Variants in ADCY2 observed in about 807,000 individuals in gnomAD.
ADCY2 encodes adenylate cyclase type 2.
In ADCY2, 31 loss-of-function variants were observed where a neutral mutation model predicts 125.2. The ratio of observed to expected loss-of-function variants is 0.25; its 90% CI spans 0.19 to 0.33. ADCY2 has a LOEUF of 0.33. ADCY2 is among the 10% of genes least tolerant of loss of function. The probability of loss-of-function intolerance (pLI) is 1.00; values close to 1 mark genes in which losing one functional copy is unlikely to be tolerated. For missense variants in ADCY2, 904 were observed against 1,418.2 expected (o/e 0.64, Z 5.82); for synonymous variants, 512 against 548.4 (o/e 0.93, Z 0.93).
chr5:7,736,439 A>G (rs1328978993), intron 14 of ADCY2, among the ~76,000 whole-genome samples: 1 of 152,212 alleles, frequency 6.6e-6, no homozygotes, highest in Non-Finnish European at 1.5e-5. Context: ...GGCATGTCAT[A>G]TGTTACAGCA....
chr5:7,519,089 CTA>C (rs1744351690), intron 2 of ADCY2, among the ~76,000 whole-genome samples: 1 of 152,286 alleles, frequency 6.6e-6, no homozygotes, highest in East Asian at 1.9e-4. Flanking sequence ...TATTTTTAGG[CTA>C]TGTCTCCTGA....
intron 2 of ADCY2, among the ~76,000 whole-genome samples, chr5:7,473,095 A>G (rs1013959012): frequency 3.3e-5 from 5 of 151,880 alleles, no homozygotes; most frequent in Admixed American, 6.6e-5. Flanking sequence ...CCCCCAGCAT[A>G]AGGCACATTC....
At chr5:7,550,256 C>T (rs934702443) in intron 3 of ADCY2, among the ~76,000 whole-genome samples, 22 of 152,006 alleles carry the variant, frequency 1.4e-4, no homozygotes, top group Admixed American at 4.6e-4. Flanking sequence ...TTTTAAAGAA[C>T]GAAACACATC....
At chr5:7,694,981 G>A (rs555635747) in intron 5 of ADCY2, among the ~76,000 whole-genome samples, 45 of 152,300 alleles carry the variant, frequency 3.0e-4, no homozygotes, top group Non-Finnish European at 5.6e-4. Context: ...AATAGTAGTT[G>A]TTTTGTTCCA....
At chr5:7,446,274 T>C (rs948563877) in intron 2 of ADCY2, among the ~76,000 whole-genome samples, 1 of 152,216 alleles carries the variant, frequency 6.6e-6, no homozygotes, top group African/African-American at 2.4e-5. Flanking sequence ...TTCAACTATA[T>C]TTAAGAAACT....
intron 3 of ADCY2, among the ~76,000 whole-genome samples, chr5:7,575,222 A>T (rs1460936755): frequency 6.6e-6 from 1 of 152,136 alleles, no homozygotes; most frequent in Non-Finnish European, 1.5e-5. Context: ...ATTTTAATAT[A>T]ATCTTTGGAA....
At chr5:7,653,228 C>T (rs1323803290) in intron 4 of ADCY2, among the ~76,000 whole-genome samples, 2 of 152,220 alleles carry the variant, frequency 1.3e-5, no homozygotes, top group African/African-American at 4.8e-5. Flanking sequence ...GCCATGACAA[C>T]TCTCATACCC....
At chr5:7,530,131 G>A (rs897978638) in intron 3 of ADCY2, among the ~76,000 whole-genome samples, 1 of 152,144 alleles carries the variant, frequency 6.6e-6, no homozygotes, top group Admixed American at 6.5e-5. Flanking sequence ...TCCTTGTTTG[G>A]TTGCTGGCCT....
At chr5:7,784,609 G>T (rs553768813) in intron 19 of ADCY2, among the ~76,000 whole-genome samples, 160 bp downstream of exon 19, 19 of 152,276 alleles carry the variant, frequency 1.2e-4, no homozygotes, top group African/African-American at 4.6e-4. Flanking sequence ...GGGTGTGGAT[G>T]CTTCGATATA....
At chr5:7,655,068 G>A (rs1230999040) in intron 4 of ADCY2, among the ~76,000 whole-genome samples, 1 of 152,110 alleles carries the variant, frequency 6.6e-6, no homozygotes, top group African/African-American at 2.4e-5. Context: ...AGTTTGGGGT[G>A]GATGGCTCCC....
At chr5:7,414,020 T>A (rs988694099) in intron 1 of ADCY2, among the ~76,000 whole-genome samples, 2 of 152,222 alleles carry the variant, frequency 1.3e-5, no homozygotes, top group Admixed American at 1.3e-4. Context: ...CCTGTATGCA[T>A]TTCCCGCTCC....
intron 3 of ADCY2, among the ~76,000 whole-genome samples, chr5:7,551,269 A>C (rs911928449): frequency 2.0e-5 from 3 of 152,148 alleles, no homozygotes; most frequent in Non-Finnish European, 2.9e-5. Flanking sequence ...AAAGAAAACT[A>C]TTCTGAGTTC....
chr5:7,699,751 C>T (rs1424155714), intron 7 of ADCY2, among the ~76,000 whole-genome samples: 1 of 152,064 alleles, frequency 6.6e-6, no homozygotes, highest in Non-Finnish European at 1.5e-5. Context: ...CCACATCCAG[C>T]TAATTTTTGT....
chr5:7,747,331 A>G (rs1262983696), intron 15 of ADCY2, among the ~76,000 whole-genome samples: 1 of 152,080 alleles, frequency 6.6e-6, no homozygotes, highest in African/African-American at 2.4e-5. Flanking sequence ...TCTCACTGAG[A>G]CCTCTAAATT....
At chr5:7,398,817 G>T (rs1347791091) in intron 1 of ADCY2, among the ~76,000 whole-genome samples, 1 of 152,208 alleles carries the variant, frequency 6.6e-6, no homozygotes, top group Non-Finnish European at 1.5e-5. Context: ...CCTGAGTCGG[G>T]ACTGGGATGA....
At chr5:7,808,005 G>A (rs1348210454) in intron 22 of ADCY2, among the ~76,000 whole-genome samples, 3 of 152,112 alleles carry the variant, frequency 2.0e-5, no homozygotes, top group Admixed American at 1.3e-4. Context: ...GGGTGGGCTG[G>A]GGACCCCCAT....
chr5:7,710,477 T>G (rs978574892), intron 10 of ADCY2, among the ~76,000 whole-genome samples: 13 of 151,364 alleles, frequency 8.6e-5, no homozygotes, highest in African/African-American at 1.9e-4. Context: ...GCATCTGGAG[T>G]GAATGGGATG....
intron 2 of ADCY2, among the ~76,000 whole-genome samples, chr5:7,470,354 T>C (rs892422572): frequency 4.6e-5 from 7 of 151,644 alleles, no homozygotes; most frequent in African/African-American, 1.7e-4. Flanking sequence ...TCTGCATACA[T>C]CTCAGCTTCT....
At chr5:7,412,464 C>T (rs1739761720) in intron 1 of ADCY2, among the ~76,000 whole-genome samples, 2 of 152,198 alleles carry the variant, frequency 1.3e-5, no homozygotes, top group South Asian at 4.1e-4. Flanking sequence ...AGATAACACG[C>T]TGTCATGTCC....
Sources: allele counts gnomAD v4.1 joint callset (sites outside exome capture counted in the v4.1 genomes callset), GRCh38; gene constraint gnomAD v4.1.1; transcripts MANE v1.5; gene names NCBI Gene and HGNC (gene_info 2026-07-23, HGNC 2026-07-21).